Variants in SGCZ observed in about 807,000 individuals in gnomAD.
SGCZ encodes sarcoglycan zeta, also known as zeta-sarcoglycan.
SGCZ carries 40 observed loss-of-function variants against 41.3 expected under a neutral mutation model. The observed-to-expected ratio is 0.97, with a 90% CI of 0.75 to 1.26. The LOEUF is 1.26. SGCZ is among the 50% of genes most tolerant of loss of function. The probability of loss-of-function intolerance (pLI) is 0.00; values close to 1 mark genes in which losing one functional copy is unlikely to be tolerated. For synonymous variants in SGCZ, 206 were observed against 137.5 expected, an observed-to-expected ratio of 1.50 and a Z score of -3.49; for missense variants, 552 against 369.8, an observed-to-expected ratio of 1.49 and a Z score of -4.04.
chr8:14,644,765 T>C (rs17119937), intron 1 of SGCZ, among the ~76,000 whole-genome samples: 8,832 of 151,810 alleles, frequency 0.058, 391 homozygotes, highest in Admixed American at 0.14. Context: ...ACTTCTTACG[T>C]AGCTAACAAA....
intron 4 of SGCZ, among the ~76,000 whole-genome samples, chr8:14,190,870 G>C (rs993341658): frequency 2.0e-5 from 3 of 152,066 alleles, no homozygotes; most frequent in Non-Finnish European, 4.4e-5. Flanking sequence ...CCAAAGTGCT[G>C]GGATTACAGG....
At chr8:14,808,973 C>A (rs10106336) in intron 1 of SGCZ, among the ~76,000 whole-genome samples, 6,306 of 150,166 alleles carry the variant, frequency 0.042, 342 homozygotes, top group African/African-American at 0.13. Flanking sequence ...AGTAAACTAT[C>A]GCAAGAACAA....
At chr8:14,941,609 T>A (rs117802414) in intron 1 of SGCZ, among the ~76,000 whole-genome samples, 6,284 of 152,084 alleles carry the variant, frequency 0.041, 211 homozygotes, top group Admixed American at 0.074. Flanking sequence ...ATGTTAAGCA[T>A]TTCCTCCAAT....
At position 14,620,873 on chromosome 8, in the gene SGCZ, C is replaced by CAGTG. The variant is rs1184679498; in HGVS notation, c.40-65951_40-65948dup. On this transcript the variant is annotated intron_variant, in intron 1 of 7. Transcript: ENST00000382080. ...AAACTAGTTGAACCATTGTGGAAGA[C>CAGTG]AGTGTGGTGGTTCCTCAAGGATCTA... 2.6e-5 allele frequency among the ~76,000 whole-genome samples: 4 copies of CAGTG among 152,110 alleles called. No individual in the cohort carries two copies. The East Asian group carries it at 7.7e-4, about 29-fold the overall frequency.
chr8:14,138,878 C>G (rs73522472), intron 5 of SGCZ, among the ~76,000 whole-genome samples: 2 of 152,016 alleles, frequency 1.3e-5, no homozygotes, highest in African/African-American at 2.4e-5. Flanking sequence ...CCCAAATCAA[C>G]AGAATAAACA....
chr8:15,165,610 G>C (rs891549701), intron 1 of SGCZ, among the ~76,000 whole-genome samples: 9 of 152,152 alleles, frequency 5.9e-5, no homozygotes, highest in Non-Finnish European at 1.2e-4. Flanking sequence ...GTTTTACCTT[G>C]AAGTTCAAAA....
intron 1 of SGCZ, among the ~76,000 whole-genome samples, chr8:14,841,313 C>G (rs1802901697): frequency 6.6e-6 from 1 of 151,938 alleles, no homozygotes; most frequent in Non-Finnish European, 1.5e-5. Flanking sequence ...TCAGGCTAAC[C>G]TAACATAAGA....
At chr8:14,691,250 A>T (rs887488898) in intron 1 of SGCZ, among the ~76,000 whole-genome samples, 6 of 152,178 alleles carry the variant, frequency 3.9e-5, no homozygotes, top group African/African-American at 1.4e-4. Flanking sequence ...TGATCTGAAA[A>T]ATACAGACTA....
intron 1 of SGCZ, among the ~76,000 whole-genome samples, chr8:14,706,876 T>C (rs1809347753): frequency 6.6e-6 from 1 of 152,020 alleles, no homozygotes; most frequent in Non-Finnish European, 1.5e-5. Flanking sequence ...TTCCTAAGTA[T>C]ATAAACGGTT....
intron 2 of SGCZ, among the ~76,000 whole-genome samples, chr8:14,421,305 T>C (rs35757344): frequency 0.21 from 31,206 of 152,076 alleles, 3,787 homozygotes; most frequent in Non-Finnish European, 0.29. Context: ...CTTCCTTCTC[T>C]TTATTATATA....
At chr8:14,490,917 G>C (rs560846309) in intron 2 of SGCZ, among the ~76,000 whole-genome samples, 1 of 152,244 alleles carries the variant, frequency 6.6e-6, no homozygotes, top group South Asian at 2.1e-4. Flanking sequence ...CTTAAGTGCT[G>C]TATTTAATCA....
chr8:14,417,374 A>C (rs1799521617), intron 2 of SGCZ, among the ~76,000 whole-genome samples: 1 of 151,880 alleles, frequency 6.6e-6, no homozygotes. Context: ...GGGTTAGGAA[A>C]ATAGACTTAT....
intron 4 of SGCZ, among the ~76,000 whole-genome samples, chr8:14,207,463 A>G (rs558584501): frequency 3.1e-4 from 47 of 152,070 alleles, no homozygotes; most frequent in Admixed American, 1.4e-3. Context: ...TTTATACTCA[A>G]CCTTTCTGCA....
At chr8:14,306,351 G>T (rs1214614471) in intron 3 of SGCZ, among the ~76,000 whole-genome samples, 5 of 152,014 alleles carry the variant, frequency 3.3e-5, no homozygotes, top group African/African-American at 1.2e-4. Context: ...CATTAATTTT[G>T]AAATAACATA....
intron 1 of SGCZ, among the ~76,000 whole-genome samples, chr8:15,137,908 C>T (rs1226140374): frequency 6.6e-6 from 1 of 152,172 alleles, no homozygotes; most frequent in Non-Finnish European, 1.5e-5. Context: ...GGCCACCGTC[C>T]TCCAGACCCC....
At chr8:14,770,707 G>C (rs530937316) in intron 1 of SGCZ, among the ~76,000 whole-genome samples, 2 of 152,064 alleles carry the variant, frequency 1.3e-5, no homozygotes, top group Admixed American at 6.6e-5. Flanking sequence ...ATAAAGTGCT[G>C]TTGAAATGAA....
chr8:15,216,223 C>CTTTTTTTTTTTTTTTTTTTT (rs34383864), intron 1 of SGCZ, among the ~76,000 whole-genome samples: 1 of 125,940 alleles, frequency 7.9e-6, no homozygotes, highest in African/African-American at 3.0e-5. Context: ...CTTTTTTTTT[C>CTTTTTTTTTTTTTTTTTTTT]TTTTTTTTTT....
intron 4 of SGCZ, among the ~76,000 whole-genome samples, chr8:14,182,825 C>T (rs1426963277): frequency 6.6e-6 from 1 of 151,860 alleles, no homozygotes; most frequent in Non-Finnish European, 1.5e-5. Context: ...GCCTGGTCAA[C>T]ATTGTGAAAC....
At chr8:14,672,149 A>G (rs1808124344) in intron 1 of SGCZ, among the ~76,000 whole-genome samples, 1 of 152,212 alleles carries the variant, frequency 6.6e-6, no homozygotes, top group Non-Finnish European at 1.5e-5. Context: ...TTTGCCTTCT[A>G]AATGCCATGA....
Sources: gnomAD v4.1 joint callset for allele counts (sites outside exome capture counted in the v4.1 genomes callset) on GRCh38, gnomAD v4.1.1 for gene constraint, MANE v1.5 for transcripts, NCBI Gene and HGNC (gene_info 2026-07-23, HGNC 2026-07-21) for gene names.